RSPO3: variants seen among roughly 807,000 people sequenced by gnomAD.
RSPO3 encodes the protein R-spondin 3.
Under a neutral mutation model 36.5 loss-of-function variants are expected in RSPO3, and 17 were observed. The observed-to-expected ratio is 0.47, with a 90% CI of 0.32 to 0.70. The LOEUF (loss-of-function observed/expected upper bound fraction) is 0.70. Among genes scored for constraint, RSPO3 ranks in the 30% least tolerant of loss-of-function variants. The probability of loss-of-function intolerance (pLI) is 0.04; values close to 1 mark genes in which losing one functional copy is unlikely to be tolerated. For synonymous variants in RSPO3, 108 were observed against 107.0 expected (o/e 1.01, Z -0.06); for missense variants, 294 against 322.5 (o/e 0.91, Z 0.68).
In RSPO3 at chr6:127,155,108, T is replaced by C; in HGVS notation, c.437-133T>C. On this transcript the variant is annotated intron_variant, in intron 3 of 4. Coordinates refer to ENST00000356698, the MANE Select transcript of RSPO3 (RefSeq NM_032784.5). ...ATTCTCCTGTTTTATATTTAAGTCA[T>C]CTTGCCCGACTTTGATCTGCAAGAT... The C allele has an allele frequency of 3.7e-6, 3 of 812,502 alleles. 1 individual carries two copies. 50.3% of individuals were successfully genotyped at this position (812,502 alleles called of 1,614,324 possible). A position where few individuals can be genotyped will look rare whatever the true frequency, so the allele number is the denominator to read the frequency against.
At chr6:127,121,199 C>T (rs2114530006) in intron 1 of RSPO3, among the ~76,000 whole-genome samples, 1 of 152,266 alleles carries the variant, frequency 6.6e-6, no homozygotes. Flanking sequence ...TTTTGGGGCC[C>T]CTGATTCTGA....
intron 4 of RSPO3, among the ~76,000 whole-genome samples, chr6:127,166,977 C>G (rs1038596574): frequency 3.9e-5 from 6 of 152,024 alleles, no homozygotes; most frequent in African/African-American, 1.4e-4. Context: ...AAGTAAAACA[C>G]CACTTAATAG....
In RSPO3 at chr6:127,180,774, T is replaced by C. The variant is rs370820752; in HGVS notation, c.635-15049T>C. Among the ~76,000 whole-genome samples, 26 of 151,928 alleles carry C rather than the reference T, an allele frequency of 1.7e-4. No homozygotes were observed. In the East Asian group the frequency reaches 2.5e-3, roughly 15 times the overall value. ...TGTTTTATAGTTTCATAGAGACCAT[T>C]TATTATTGTTACTAATTATTTTTAT... On this transcript the variant is annotated intron_variant, in intron 4 of 4. Coordinates refer to ENST00000356698, the MANE Select transcript of RSPO3 (RefSeq NM_032784.5).
intron 1 of RSPO3, among the ~76,000 whole-genome samples, chr6:127,144,644 T>TTTTTTTGTTTTTTTG (rs775151866): frequency 8.4e-5 from 7 of 83,336 alleles, no homozygotes; most frequent in Admixed American, 2.5e-4. Context: ...CTTCCCCTTG[T>TTTTTTTGTTTTTTTG]TTTTTTTTTT....
Position 127,163,478 on chromosome 6 carries a change from TGTGA to T in RSPO3, c.634+8043_634+8046del, listed in dbSNP as rs940992849. On this transcript the variant is annotated intron_variant, in intron 4 of 4. Transcript: ENST00000356698. ...CCTTATCCTTGGGCCTCTCAAGAGG[TGTGA>T]GTAAGTAGGCTATTATTAGCATGAC... Among the ~76,000 whole-genome samples, 5 of 152,194 alleles carry T rather than the reference TGTGA, an allele frequency of 3.3e-5. No individual in the cohort carries two copies. The East Asian group carries it at 5.8e-4, about 18-fold the overall frequency.
chr6:127,165,234 T>C (rs1774799525), intron 4 of RSPO3, among the ~76,000 whole-genome samples: 1 of 152,020 alleles, frequency 6.6e-6, no homozygotes, highest in African/African-American at 2.4e-5. Flanking sequence ...ACAAAAATTA[T>C]TGTCTTCACA....
chr6:127,179,133 A>T (rs1212482509), intron 4 of RSPO3, among the ~76,000 whole-genome samples: 1 of 151,846 alleles, frequency 6.6e-6, no homozygotes, highest in African/African-American at 2.4e-5. Flanking sequence ...AAATATACCA[A>T]CCATATATGT....
At chr6:127,172,134 A>ATACCTT (rs11282991) in intron 4 of RSPO3, among the ~76,000 whole-genome samples, 83,848 of 149,460 alleles carry the variant, frequency 0.56, 23,537 homozygotes, top group African/African-American at 0.61. Context: ...ATGAAACTCT[A>ATACCTT]TACACTGAAA....
At chr6:127,150,038 G>A (rs1774458492) in intron 2 of RSPO3, among the ~76,000 whole-genome samples, 1 of 151,884 alleles carries the variant, frequency 6.6e-6, no homozygotes, top group Admixed American at 6.6e-5. Flanking sequence ...AATATTTGTT[G>A]TAAGAATCAA....
chr6:127,130,289 T>C (rs891043958), intron 1 of RSPO3, among the ~76,000 whole-genome samples: 1 of 152,186 alleles, frequency 6.6e-6, no homozygotes, highest in Non-Finnish European at 1.5e-5. Context: ...GGATCTTTAA[T>C]TGAACAAAGA....
chr6:127,167,954 GGCT>G (rs1198530141), intron 4 of RSPO3, among the ~76,000 whole-genome samples: 1 of 151,894 alleles, frequency 6.6e-6, no homozygotes, highest in Non-Finnish European at 1.5e-5. Flanking sequence ...CCTTTTTTAT[GGCT>G]GCATAGTATT....
At chr6:127,140,277 ATTCT>A (rs1299024587) in intron 1 of RSPO3, among the ~76,000 whole-genome samples, 2 of 152,088 alleles carry the variant, frequency 1.3e-5, no homozygotes, top group East Asian at 1.9e-4. Flanking sequence ...TTTGCTTTTT[ATTCT>A]TTCTTTGTTC....
chr6:127,194,235 C>T (rs920042673), intron 4 of RSPO3, among the ~76,000 whole-genome samples: 3 of 152,168 alleles, frequency 2.0e-5, no homozygotes, highest in Non-Finnish European at 4.4e-5. Context: ...TCAATATTTG[C>T]AGCCTACTTC....
intron 1 of RSPO3, among the ~76,000 whole-genome samples, chr6:127,146,904 T>C (rs550647447): frequency 6.6e-6 from 1 of 152,278 alleles, no homozygotes; most frequent in South Asian, 2.1e-4. Context: ...GCTTACAATA[T>C]GTACACGTTT....
At chr6:127,164,821 C>A (rs1400126159) in intron 4 of RSPO3, among the ~76,000 whole-genome samples, 1 of 152,078 alleles carries the variant, frequency 6.6e-6, no homozygotes, top group Non-Finnish European at 1.5e-5. Context: ...CCTCTGTGAG[C>A]CCCAGCTGCC....
rs1018988315 is a variant in RSPO3 at position 127,140,113 on chromosome 6, A to G, written c.98-8535A>G. ...ATTTTTAATTCATTTAAGGAATTAAAGAACATAATATTAAGATACTAAAAG... is the reference window on the plus strand; with the variant it reads ...ATTTTTAATTCATTTAAGGAATTAAGGAACATAATATTAAGATACTAAAAG... On this transcript the variant is annotated intron_variant, in intron 1 of 4. Transcript: ENST00000356698. 2.6e-5 allele frequency among the ~76,000 whole-genome samples: 4 copies of G among 152,190 alleles called. No homozygotes were observed. The East Asian group carries it at 7.7e-4, about 29-fold the overall frequency.
Position 127,199,170 on chromosome 6 carries a change from G to T in RSPO3, c.*3163G>T, listed in dbSNP as rs1005536671. On this transcript the variant is annotated 3_prime_UTR_variant, in exon 5 of 5. Transcript: ENST00000356698. ...ACTGGTTGCAGCTTGTGTGACCTTG[G>T]GCACATTGTATGATCTCGCAGAATA... Among the ~76,000 whole-genome samples the T allele has an allele frequency of 6.6e-6, 1 of 152,038 alleles. No individual in the cohort carries two copies. The highest frequency in any genetic ancestry group is 1.5e-5 in the Non-Finnish European group (1 of 68,000).
At chr6:127,128,353 T>C (rs1299639086) in intron 1 of RSPO3, among the ~76,000 whole-genome samples, 2 of 150,924 alleles carry the variant, frequency 1.3e-5, no homozygotes, top group Non-Finnish European at 3.0e-5. Flanking sequence ...TTTAAAAAGA[T>C]ACTAATGCCC....
intron 4 of RSPO3, among the ~76,000 whole-genome samples, chr6:127,159,904 C>T (rs1774675475): frequency 6.6e-6 from 1 of 152,038 alleles, no homozygotes; most frequent in Non-Finnish European, 1.5e-5. Context: ...CTGCCTCAGC[C>T]TCCCGAAGTG....
Sources: gnomAD v4.1 joint callset for allele counts (sites outside exome capture counted in the v4.1 genomes callset) on GRCh38, gnomAD v4.1.1 for gene constraint, MANE v1.5 for transcripts, NCBI Gene and HGNC (gene_info 2026-07-23, HGNC 2026-07-21) for gene names.